STARD3NL: variants seen among roughly 807,000 people sequenced by gnomAD.
STARD3NL encodes the protein STARD3 N-terminal like, also known as STARD3 N-terminal-like protein.
A neutral mutation model predicts 30.9 loss-of-function variants in STARD3NL; 17 were observed. That is an observed-to-expected ratio of 0.55 (90% CI 0.38 to 0.82). STARD3NL has a LOEUF of 0.82. Ranked by LOEUF, STARD3NL falls within the 40% of genes least tolerant of loss-of-function variation. The pLI, the probability that STARD3NL is intolerant of heterozygous loss-of-function variation, is 0.00. For missense variants in STARD3NL, 234 were observed against 277.6 expected (o/e 0.84, Z 1.12); for synonymous variants, 112 against 100.5 (o/e 1.11, Z -0.69).
At chr7:38,226,339 C>T (rs1342574990) in intron 7 of STARD3NL, among the ~76,000 whole-genome samples, 2 of 151,824 alleles carry the variant, frequency 1.3e-5, no homozygotes, top group Non-Finnish European at 2.9e-5. Context: ...TCTGTTTTCT[C>T]TCAGTTTTTT....
intron 1 of STARD3NL, chr7:38,179,091 T>A (rs1784141920): frequency 6.6e-6 from 1 of 152,246 alleles, no homozygotes; most frequent in East Asian, 1.9e-4. Context: ...ATTTCACAGA[T>A]GGAATCACTG....
rs1785544247 is a variant in STARD3NL at position 38,207,388 on chromosome 7, G to A, written c.-58-59G>A. The A allele has an allele frequency of 9.2e-6, 7 of 762,704 alleles. No individual in the cohort carries two copies. The Admixed American group carries it at 1.9e-4, about 21-fold the overall frequency. The allele number at this position is 762,704 out of a possible 1,614,324, so 47.2% of individuals were successfully genotyped here. A position where few individuals can be genotyped will look rare whatever the true frequency, so the allele number is the denominator to read the frequency against. On this transcript the variant is annotated intron_variant, in intron 1 of 8. Coordinates refer to ENST00000009041, the MANE Select transcript of STARD3NL (RefSeq NM_032016.4). ...AAATAGTTGCACAGTGGAGAGGGTT[G>A]CACAGTTATATTTGATCAGCTTGGA...
At chr7:38,182,857 G>A (rs1784305625) in intron 1 of STARD3NL, among the ~76,000 whole-genome samples, 1 of 152,108 alleles carries the variant, frequency 6.6e-6, no homozygotes, top group Non-Finnish European at 1.5e-5. Context: ...TGAGACTAGC[G>A]AGCATCCTCA....
intron 1 of STARD3NL, among the ~76,000 whole-genome samples, chr7:38,204,703 T>A (rs1785360675): frequency 1.3e-5 from 2 of 152,116 alleles, no homozygotes; most frequent in South Asian, 4.2e-4. Flanking sequence ...AGGAGCTGGT[T>A]TTTTGAAAAG....
chr7:38,198,366 G>A (rs1403907551), intron 1 of STARD3NL: 1 of 152,180 alleles, frequency 6.6e-6, no homozygotes, highest in Non-Finnish European at 1.5e-5. Context: ...TATTATCATG[G>A]TAAGAGAATG....
intron 1 of STARD3NL, among the ~76,000 whole-genome samples, chr7:38,188,391 C>A (rs1239363694): frequency 6.6e-6 from 1 of 152,196 alleles, no homozygotes; most frequent in Non-Finnish European, 1.5e-5. Flanking sequence ...TCTCCCTTAT[C>A]TCCTAGTCGT....
At chr7:38,216,669 C>T (rs1029917636) in intron 4 of STARD3NL, 20 of 234,504 alleles carry the variant, frequency 8.5e-5, no homozygotes, top group Non-Finnish European at 1.5e-4. Flanking sequence ...CTGGACTTCA[C>T]AACCCCTGGC....
At position 38,207,679 on chromosome 7, in the gene STARD3NL, G is replaced by A; in HGVS notation, c.175G>A (p.Val59Ile). The A allele has an allele frequency of 6.2e-7, 1 of 1,614,076 alleles. No individual in the cohort carries two copies. The highest frequency in any genetic ancestry group is 8.5e-7 in the Non-Finnish European group (1 of 1,179,970). Residue 59 changes from valine to isoleucine, a missense_variant, in exon 2 of 9, where the codon GTC becomes ATC. Val to Ile is a conservative substitution (Grantham distance 29, BLOSUM62 3). Transcript: ENST00000009041. ...TGTCAGGAGGACTTTCTGTTTGTTT[G>A]TCACCTTTGACCTCTTATTCGTAAC... The part of the protein sequence containing the change: ...SDVRRTFCLF[V>I]TFDLLFVTLL...
At chr7:38,215,137 C>A (rs1279048085) in intron 4 of STARD3NL, 32 bp downstream of exon 4, 5 of 1,605,718 alleles carry the variant, frequency 3.1e-6, no homozygotes, top group Non-Finnish European at 4.3e-6. Context: ...GGGTCATCTC[C>A]TCCAGTGCTG....
At chr7:38,183,847 C>T (rs1431815451) in intron 1 of STARD3NL, among the ~76,000 whole-genome samples, 1 of 152,138 alleles carries the variant, frequency 6.6e-6, no homozygotes, top group African/African-American at 2.4e-5. Context: ...GTTCTGGAAC[C>T]AATTCCCTGC....
At chr7:38,209,739 G>A (rs918564294) in intron 2 of STARD3NL, among the ~76,000 whole-genome samples, 24 of 152,172 alleles carry the variant, frequency 1.6e-4, no homozygotes, top group African/African-American at 5.3e-4. Context: ...TAGAACTGTG[G>A]TGGGGTTCAT....
intron 2 of STARD3NL, among the ~76,000 whole-genome samples, chr7:38,211,968 CTTCTTTTCCACTGTTTCCCT>C (rs1280267721): frequency 7.9e-5 from 12 of 151,956 alleles, no homozygotes; most frequent in Non-Finnish European, 1.3e-4. Flanking sequence ...CACTGTTTCC[CTTCTTTTCCACTGTTTCCCT>C]TTCTTTTCCA....
Position 38,230,025 on chromosome 7 carries a change from A to G in STARD3NL, c.*120A>G, listed in dbSNP as rs1161508778. 1 of 152,638 alleles carries G rather than the reference A, an allele frequency of 6.6e-6. No homozygotes were observed. Among genetic ancestry groups the G allele is most frequent in the Non-Finnish European group, 1.5e-5 (1 of 68,042 alleles). 9.5% of individuals were successfully genotyped at this position (152,638 alleles called of 1,614,324 possible). ...AATGGTGACGTCCACTGCTGGCTTT[A>G]TTGAACAGCTAATAAAGATTTATTT... On this transcript the variant is annotated 3_prime_UTR_variant, in exon 9 of 9. Coordinates refer to ENST00000009041, the MANE Select transcript of STARD3NL (RefSeq NM_032016.4).
intron 1 of STARD3NL, among the ~76,000 whole-genome samples, chr7:38,184,660 A>AG (rs201529501): frequency 0.099 from 14,491 of 146,382 alleles, 775 homozygotes; most frequent in African/African-American, 0.11. Flanking sequence ...CCGATATAGT[A>AG]TATAATATAT....
At chr7:38,223,298 G>A (rs1192551128) in intron 7 of STARD3NL, among the ~76,000 whole-genome samples, 2 of 152,138 alleles carry the variant, frequency 1.3e-5, no homozygotes, top group African/African-American at 4.8e-5. Flanking sequence ...AGGCTTGCTT[G>A]TTGATCAGAC....
chr7:38,197,262 G>T (rs1026493457), intron 1 of STARD3NL, among the ~76,000 whole-genome samples: 2 of 140,220 alleles, frequency 1.4e-5, no homozygotes, highest in Non-Finnish European at 3.0e-5. Context: ...GCCTTGCTCT[G>T]TCTCCCAAGC....
At chr7:38,188,793 A>C (rs1784565887) in intron 1 of STARD3NL, among the ~76,000 whole-genome samples, 1 of 152,180 alleles carries the variant, frequency 6.6e-6, no homozygotes, top group Non-Finnish European at 1.5e-5. Context: ...TTACATGTCA[A>C]ATGAAAGTTT....
chr7:38,210,154 T>A (rs1785716935), intron 2 of STARD3NL, among the ~76,000 whole-genome samples: 1 of 152,214 alleles, frequency 6.6e-6, no homozygotes, highest in East Asian at 1.9e-4. Flanking sequence ...TCCATTTTTT[T>A]AAACATGTCT....
chr7:38,227,180 T>C (rs2116453679), intron 7 of STARD3NL, among the ~76,000 whole-genome samples: 1 of 152,334 alleles, frequency 6.6e-6, no homozygotes, highest in South Asian at 2.1e-4. Context: ...GGTTTAGCTT[T>C]ATTTAGGACT....
Sources: allele counts gnomAD v4.1 joint callset (sites outside exome capture counted in the v4.1 genomes callset), GRCh38; gene constraint gnomAD v4.1.1; transcripts MANE v1.5; gene names NCBI Gene and HGNC (gene_info 2026-07-23, HGNC 2026-07-21).